The following CFAP299 variants were observed in gnomAD, a reference collection of about 807,000 sequenced individuals.
CFAP299 encodes the protein cilia- and flagella-associated protein 299.
In CFAP299, 21 loss-of-function variants were observed where a neutral mutation model predicts 27.0. That is an observed-to-expected ratio of 0.78 (90% CI 0.55 to 1.12). The LOEUF (loss-of-function observed/expected upper bound fraction) is 1.12. Ranked by LOEUF, CFAP299 falls within the 50% of genes most tolerant of loss-of-function variation. The probability of loss-of-function intolerance (pLI) is 0.00; values close to 1 mark genes in which losing one functional copy is unlikely to be tolerated. For synonymous variants in CFAP299, 104 were observed against 98.1 expected, an observed-to-expected ratio of 1.06 and a Z score of -0.36; for missense variants, 310 against 276.6, an observed-to-expected ratio of 1.12 and a Z score of -0.86.
chr4:80,954,725 C>T (rs546804122), intron 5 of CFAP299, among the ~76,000 whole-genome samples: 3 of 151,894 alleles, frequency 2.0e-5, no homozygotes, highest in Non-Finnish European at 4.4e-5. Context: ...TTTGGCTGGG[C>T]ATGGTGGCTC....
chr4:80,913,989 C>T (rs1052355509), intron 4 of CFAP299, among the ~76,000 whole-genome samples: 1 of 152,144 alleles, frequency 6.6e-6, no homozygotes, highest in African/African-American at 2.4e-5. Flanking sequence ...TAGACTAATG[C>T]TTTTGAGAGT....
At chr4:80,658,295 T>G (rs1740667472) in intron 3 of CFAP299, among the ~76,000 whole-genome samples, 1 of 152,302 alleles carries the variant, frequency 6.6e-6, no homozygotes, top group East Asian at 1.9e-4. Context: ...AGAGAGGACA[T>G]CCTTGTCTTG....
chr4:80,617,587 A>G (rs1433225498), intron 3 of CFAP299, among the ~76,000 whole-genome samples: 1 of 152,084 alleles, frequency 6.6e-6, no homozygotes, highest in Non-Finnish European at 1.5e-5. Context: ...TATTATTAAC[A>G]CTTCACAATA....
intron 2 of CFAP299, among the ~76,000 whole-genome samples, chr4:80,537,472 T>C (rs561544686): frequency 6.6e-6 from 1 of 152,200 alleles, no homozygotes; most frequent in South Asian, 2.1e-4. Flanking sequence ...AAAGAAAATG[T>C]GGTGTATACA....
At chr4:80,771,901 G>C (rs1268462980) in intron 3 of CFAP299, among the ~76,000 whole-genome samples, 1 of 152,178 alleles carries the variant, frequency 6.6e-6, no homozygotes, top group South Asian at 2.1e-4. Flanking sequence ...AAAGCAGTCT[G>C]TGAATGTTAT....
At chr4:80,708,540 C>A (rs943959346) in intron 3 of CFAP299, among the ~76,000 whole-genome samples, 1 of 152,004 alleles carries the variant, frequency 6.6e-6, no homozygotes, top group Non-Finnish European at 1.5e-5. Flanking sequence ...TGGCATTTTT[C>A]TTAGAAGGTA....
chr4:80,662,260 T>C (rs2109982795), intron 3 of CFAP299, among the ~76,000 whole-genome samples: 1 of 152,198 alleles, frequency 6.6e-6, no homozygotes, highest in Middle Eastern at 3.4e-3. Flanking sequence ...TCAGGGGGCA[T>C]CACAGAACCA....
At chr4:80,442,088 A>G (rs1385373236) in intron 2 of CFAP299, among the ~76,000 whole-genome samples, 2 of 152,062 alleles carry the variant, frequency 1.3e-5, no homozygotes, top group Non-Finnish European at 2.9e-5. Flanking sequence ...AGAGACTTAG[A>G]CTCCCACACA....
rs1363927016 is a variant in CFAP299, at chr4:80,867,702, A to G, written c.334-2291A>G. Among the ~76,000 whole-genome samples, 3 of 152,130 alleles carry G rather than the reference A, an allele frequency of 2.0e-5. No homozygotes were observed. In the East Asian group the frequency reaches 5.8e-4, roughly 29 times the overall value. ...CCCTGGCATCTCTCTGTGTGTCCAC[A>G]TTTACACAATCAGCTTGGATTAGAG... is the stretch of plus-strand genomic sequence containing the variant. On this transcript the variant is annotated intron_variant, in intron 3 of 5. Transcript: ENST00000358105.
At chr4:80,837,716 T>C (rs1276303286) in intron 3 of CFAP299, among the ~76,000 whole-genome samples, 1 of 152,206 alleles carries the variant, frequency 6.6e-6, no homozygotes, top group Non-Finnish European at 1.5e-5. Context: ...TCCAAGTCTT[T>C]ACTATTGTGA....
At chr4:80,407,758 CT>C (rs1289501228) in intron 2 of CFAP299, among the ~76,000 whole-genome samples, 1 of 152,050 alleles carries the variant, frequency 6.6e-6, no homozygotes, top group East Asian at 1.9e-4. Flanking sequence ...CCATTTTTAC[CT>C]CCACAAATTA....
intron 3 of CFAP299, among the ~76,000 whole-genome samples, chr4:80,845,871 CTTAT>C (rs894535250): frequency 4.6e-5 from 7 of 151,922 alleles, no homozygotes; most frequent in African/African-American, 1.7e-4. Flanking sequence ...TAAATTGTGA[CTTAT>C]TTATTATTGA....
At position 80,745,521 on chromosome 4, in the gene CFAP299, A is replaced by G. The variant is rs535364621; in HGVS notation, c.334-124472A>G. On this transcript the variant is annotated intron_variant, in intron 3 of 5. Coordinates refer to ENST00000358105, the MANE Select transcript of CFAP299 (RefSeq NM_152770.3). ...AGGTCTTAGTAAAAACAAATTTCAGAGTAGTTTTTTTATATTTAAATAAAC... is the reference window on the plus strand; with the variant it reads ...AGGTCTTAGTAAAAACAAATTTCAGGGTAGTTTTTTTATATTTAAATAAAC... Among the ~76,000 whole-genome samples, 101 of 152,246 alleles carry G rather than the reference A, an allele frequency of 6.6e-4. No homozygotes were observed. In the Middle Eastern group the frequency reaches 0.01, roughly 15 times the overall value.
intron 4 of CFAP299, among the ~76,000 whole-genome samples, chr4:80,935,419 C>T (rs1328941108): frequency 2.0e-5 from 3 of 151,974 alleles, no homozygotes; most frequent in Admixed American, 2.0e-4. Context: ...CACACTGTGA[C>T]TATCTTATCT....
chr4:80,464,952 T>C (rs1022751115), intron 2 of CFAP299, among the ~76,000 whole-genome samples: 3 of 152,170 alleles, frequency 2.0e-5, no homozygotes, highest in Non-Finnish European at 4.4e-5. Flanking sequence ...TTACGAATGG[T>C]ATTAAAGTTA....
intron 3 of CFAP299, among the ~76,000 whole-genome samples, chr4:80,813,981 A>G (rs1729293237): frequency 6.6e-6 from 1 of 152,040 alleles, no homozygotes; most frequent in Non-Finnish European, 1.5e-5. Flanking sequence ...TTTTCTAGCT[A>G]ATAAATTATG....
intron 2 of CFAP299, among the ~76,000 whole-genome samples, chr4:80,520,057 A>G (rs1160322467): frequency 6.6e-6 from 1 of 152,190 alleles, no homozygotes; most frequent in African/African-American, 2.4e-5. Flanking sequence ...TTCTAGGCTA[A>G]TACTAATTTG....
intron 2 of CFAP299, among the ~76,000 whole-genome samples, chr4:80,474,345 T>C (rs1322225970): frequency 6.6e-6 from 1 of 152,224 alleles, no homozygotes; most frequent in Non-Finnish European, 1.5e-5. Context: ...GGTGGGACAA[T>C]ATATTTAAAG....
At chr4:80,924,538 G>GTGTATATATA (rs5859742) in intron 4 of CFAP299, among the ~76,000 whole-genome samples, 5 of 131,670 alleles carry the variant, frequency 3.8e-5, no homozygotes, top group African/African-American at 1.3e-4. Context: ...GTGTGTGTGT[G>GTGTATATATA]TATATATATA....
Sources: allele counts gnomAD v4.1 joint callset (sites outside exome capture counted in the v4.1 genomes callset), GRCh38; gene constraint gnomAD v4.1.1; transcripts MANE v1.5; gene names NCBI Gene and HGNC (gene_info 2026-07-23, HGNC 2026-07-21).